GRIN2B: variants seen among roughly 807,000 people sequenced by gnomAD.
GRIN2B encodes glutamate ionotropic receptor NMDA type subunit 2B.
GRIN2B carries 5 observed loss-of-function variants against 114.5 expected under a neutral mutation model. The observed-to-expected ratio is 0.04, with a 90% confidence interval of 0.02 to 0.09. The LOEUF (loss-of-function observed/expected upper bound fraction) is 0.09. Among genes scored for constraint, GRIN2B ranks in the 10% least tolerant of loss-of-function variants. GRIN2B has a pLI of 1.00. For missense variants in GRIN2B, 1,108 were observed against 1,943.5 expected (o/e 0.57, Z 8.08); for synonymous variants, 787 against 745.1 (o/e 1.06, Z -0.92).
intron 4 of GRIN2B, among the ~76,000 whole-genome samples, chr12:13,732,324 G>C (rs1863098950): frequency 6.6e-6 from 1 of 152,176 alleles, no homozygotes; most frequent in Admixed American, 6.5e-5. Context: ...TATCTCCCAT[G>C]ACTTGTTCAC....
intron 10 of GRIN2B, among the ~76,000 whole-genome samples, chr12:13,589,621 A>C (rs1948978391): frequency 6.6e-6 from 1 of 152,252 alleles, no homozygotes; most frequent in Non-Finnish European, 1.5e-5. Context: ...ATAAATGAAA[A>C]GTAGGCGGTG....
At chr12:13,938,476 T>G (rs1239126593) in intron 2 of GRIN2B, among the ~76,000 whole-genome samples, 1 of 152,166 alleles carries the variant, frequency 6.6e-6, no homozygotes, top group Non-Finnish European at 1.5e-5. Context: ...TTATTCGTAA[T>G]AATCAAAAAC....
chr12:13,564,096 G>A lies in GRIN2B; in HGVS notation c.3142C>T (p.Arg1048Cys), dbSNP rs1216931858. The A allele has an allele frequency of 1.9e-6, 3 of 1,614,042 alleles. No homozygotes were observed. The highest frequency in any genetic ancestry group is 2.5e-6 in the Non-Finnish European group (3 of 1,180,026). ...LYGKFSFKSD[R>C]YSGHDDLIRS... ...ATCAAGTCGTCGTGGCCACTGTAGC[G>A]GTCGCTCTTGAAGGAGAATTTGCCG... Residue 1048 changes from arginine to cysteine, a missense_variant, in exon 14 of 14, where the codon CGC (arginine) becomes TGC (cysteine). Arg to Cys is a radical substitution (Grantham distance 180). Transcript: ENST00000609686. The surrounding 1 kb of genome is among the most constrained non-coding windows in gnomAD (Gnocchi z 4.8).
In GRIN2B at chr12:13,561,898, C is replaced by A. The variant is rs1453937634; in HGVS notation, c.*885G>T. On this transcript the variant is annotated 3_prime_UTR_variant, in exon 14 of 14. Coordinates refer to ENST00000609686, the MANE Select transcript of GRIN2B (RefSeq NM_000834.5). ...CCAGAAGGATGAAGGGAGACACAGC[C>A]AAAATTCAGGTAATACATGGCCATC... 2 of 152,550 alleles carry A rather than the reference C, an allele frequency of 1.3e-5. No individual in the cohort carries two copies. The highest frequency in any genetic ancestry group is 3.8e-4 in the East Asian group (2 of 5,198). The allele number at this position is 152,550 out of a possible 1,614,324, so 9.4% of individuals were successfully genotyped here.
At chr12:13,743,643 C>T (rs1318996449) in intron 4 of GRIN2B, among the ~76,000 whole-genome samples, 2 of 149,952 alleles carry the variant, frequency 1.3e-5, no homozygotes, top group Non-Finnish European at 3.0e-5. Context: ...GGAAATACCT[C>T]TGAGAAAACA....
Position 13,701,422 on chromosome 12 carries a change from T to C in GRIN2B, c.1011-25563A>G, listed in dbSNP as rs183734313. ...TTTGACTTCTGCCTAAAGTACCACATTGGTCTCCCTCTGTAACATATTCAA... is the reference window on the plus strand; with the variant it reads ...TTTGACTTCTGCCTAAAGTACCACACTGGTCTCCCTCTGTAACATATTCAA... On this transcript the variant is annotated intron_variant, in intron 4 of 13. Transcript: ENST00000609686. Among the ~76,000 whole-genome samples, 41 of 151,828 alleles carry C rather than the reference T, an allele frequency of 2.7e-4. No homozygotes were observed. In the South Asian group the frequency reaches 6.6e-3, roughly 25 times the overall value.
intron 3 of GRIN2B, among the ~76,000 whole-genome samples, chr12:13,764,541 G>T (rs1201129294): frequency 1.3e-5 from 2 of 152,226 alleles, no homozygotes; most frequent in Non-Finnish European, 2.9e-5. Flanking sequence ...GACTCTGGGA[G>T]ATGGACCAAG....
At chr12:13,911,083 A>G (rs544910265) in intron 2 of GRIN2B, among the ~76,000 whole-genome samples, 3 of 152,230 alleles carry the variant, frequency 2.0e-5, no homozygotes, top group Middle Eastern at 3.4e-3. Context: ...AGATACCTCT[A>G]CTGTCGCACC....
At chr12:13,798,519 G>A (rs1864454800) in intron 3 of GRIN2B, among the ~76,000 whole-genome samples, 1 of 152,058 alleles carries the variant, frequency 6.6e-6, no homozygotes, top group Non-Finnish European at 1.5e-5. Flanking sequence ...ATAGAATTAT[G>A]TATGTAAACA....
chr12:13,804,836 G>A (rs1414415926), intron 3 of GRIN2B, among the ~76,000 whole-genome samples: 2 of 152,186 alleles, frequency 1.3e-5, no homozygotes, highest in African/African-American at 2.4e-5. Context: ...TTGAATGAAT[G>A]GGAAAATGAA....
At chr12:13,928,616 T>C (rs555885611) in intron 2 of GRIN2B, among the ~76,000 whole-genome samples, 1 of 152,330 alleles carries the variant, frequency 6.6e-6, no homozygotes, top group African/African-American at 2.4e-5. Flanking sequence ...AAAAGACTTG[T>C]TAAAGCTATG....
intron 2 of GRIN2B, among the ~76,000 whole-genome samples, chr12:13,934,516 A>G (rs1349905596): frequency 4.6e-5 from 7 of 152,230 alleles, no homozygotes; most frequent in Non-Finnish European, 8.8e-5. Context: ...AAGTGATTTT[A>G]ACTCAGATTA....
intron 3 of GRIN2B, among the ~76,000 whole-genome samples, chr12:13,768,828 A>G (rs1863849980): frequency 6.6e-6 from 1 of 152,108 alleles, no homozygotes. Flanking sequence ...AAGTCAGGAG[A>G]TTGAGACCAT....
At chr12:13,584,600 T>C (rs1027609533) in intron 10 of GRIN2B, among the ~76,000 whole-genome samples, 3 of 152,244 alleles carry the variant, frequency 2.0e-5, no homozygotes, top group Non-Finnish European at 4.4e-5. Context: ...AAGGAGTTAA[T>C]GTGTCCTAAT....
At chr12:13,649,164 A>T (rs1949791540) in intron 5 of GRIN2B, among the ~76,000 whole-genome samples, 1 of 152,088 alleles carries the variant, frequency 6.6e-6, no homozygotes, top group African/African-American at 2.4e-5. Flanking sequence ...AAGATAATGT[A>T]TGTGAAGCCG....
chr12:13,603,012 C>T (rs1344320845), intron 10 of GRIN2B, among the ~76,000 whole-genome samples: 2 of 152,130 alleles, frequency 1.3e-5, no homozygotes, highest in African/African-American at 4.8e-5. Flanking sequence ...TCCCTGTGGG[C>T]TTCCTCCAAT....
intron 2 of GRIN2B, among the ~76,000 whole-genome samples, chr12:13,916,575 G>A (rs988324181): frequency 8.5e-5 from 13 of 152,092 alleles, no homozygotes; most frequent in Admixed American, 4.6e-4. Flanking sequence ...TCGGCCAGGC[G>A]TGGTGGCTCA....
chr12:13,777,637 T>C (rs1232178455), intron 3 of GRIN2B, among the ~76,000 whole-genome samples: 2 of 152,216 alleles, frequency 1.3e-5, no homozygotes, highest in African/African-American at 4.8e-5. Context: ...TTTCCATCAC[T>C]GGCTCCTGGA....
intron 2 of GRIN2B, among the ~76,000 whole-genome samples, chr12:13,885,840 A>C (rs924512587): frequency 6.6e-6 from 1 of 152,272 alleles, no homozygotes; most frequent in Non-Finnish European, 1.5e-5. Context: ...TTGAGAGCAC[A>C]TATCTAATGC....
Sources: allele counts gnomAD v4.1 joint callset (sites outside exome capture counted in the v4.1 genomes callset), GRCh38; gene constraint gnomAD v4.1.1; non-coding constraint Gnocchi (gnomAD v3.1); transcripts MANE v1.5; gene names NCBI Gene and HGNC (gene_info 2026-07-23, HGNC 2026-07-21).